Variants in GRIK2 observed in about 807,000 individuals in gnomAD.
GRIK2 encodes the protein glutamate receptor ionotropic, kainate 2.
A neutral mutation model predicts 100.3 loss-of-function variants in GRIK2; 32 were observed. The observed-to-expected ratio is 0.32, with a 90% CI of 0.24 to 0.43. The LOEUF (loss-of-function observed/expected upper bound fraction) is 0.43. Among genes scored for constraint, GRIK2 ranks in the 20% least tolerant of loss-of-function variants. The pLI is 1.00. For missense variants in GRIK2, 843 were observed against 1,114.9 expected, an observed-to-expected ratio of 0.76 and a Z score of 3.47; for synonymous variants, 417 against 389.4, an observed-to-expected ratio of 1.07 and a Z score of -0.83.
chr6:101,927,188 G>T (rs936842641), intron 13 of GRIK2: 3 of 154,530 alleles, frequency 1.9e-5, no homozygotes, highest in Non-Finnish European at 4.3e-5. Context: ...ATGGTAAGAT[G>T]AACTGCAGTA....
At chr6:101,428,389 C>A (rs1769175515) in intron 2 of GRIK2, among the ~76,000 whole-genome samples, 1 of 152,072 alleles carries the variant, frequency 6.6e-6, no homozygotes, top group Admixed American at 6.6e-5. Flanking sequence ...ATGAGAGGAA[C>A]AAAAATGAAT....
At chr6:101,930,466 T>A (rs1416139806) in intron 14 of GRIK2, among the ~76,000 whole-genome samples, 1 of 152,150 alleles carries the variant, frequency 6.6e-6, no homozygotes, top group African/African-American at 2.4e-5. Context: ...AATATCCAAG[T>A]GACTTTTGAA....
intron 10 of GRIK2, 143 bp downstream of exon 10, chr6:101,818,626 G>A (rs1021635621): frequency 2.2e-5 from 13 of 587,224 alleles, no homozygotes. Flanking sequence ...ATGAGTCAAT[G>A]TTAATTTAGT....
intron 11 of GRIK2, among the ~76,000 whole-genome samples, chr6:101,883,853 A>C (rs1786433800): frequency 6.6e-6 from 1 of 152,200 alleles, no homozygotes; most frequent in African/African-American, 2.4e-5. Context: ...AGAATGATGG[A>C]ACTAATGTTG....
intron 7 of GRIK2, among the ~76,000 whole-genome samples, chr6:101,793,613 C>T (rs986701977): frequency 6.6e-6 from 1 of 152,088 alleles, no homozygotes; most frequent in African/African-American, 2.4e-5. Context: ...GTCAGTCTGC[C>T]CCTACTGGGG....
chr6:101,535,028 G>A (rs1262250819), intron 2 of GRIK2, among the ~76,000 whole-genome samples: 1 of 151,460 alleles, frequency 6.6e-6, no homozygotes, highest in Non-Finnish European at 1.5e-5. Context: ...TTAACGTATT[G>A]CTTATGACTA....
chr6:101,611,125 A>G (rs1582822519), intron 2 of GRIK2, among the ~76,000 whole-genome samples: 1 of 151,898 alleles, frequency 6.6e-6, no homozygotes, highest in East Asian at 1.9e-4. Flanking sequence ...TTTTCCATCC[A>G]CTACTGAAAA....
intron 2 of GRIK2, among the ~76,000 whole-genome samples, chr6:101,566,858 T>A (rs1562231057): frequency 6.7e-6 from 1 of 150,320 alleles, no homozygotes; most frequent in Non-Finnish European, 1.5e-5. Context: ...ATAGACATTT[T>A]ATGATAGACA....
intron 2 of GRIK2, among the ~76,000 whole-genome samples, chr6:101,597,678 C>A (rs530902757): frequency 2.9e-4 from 44 of 151,830 alleles, no homozygotes; most frequent in African/African-American, 1.0e-3. Flanking sequence ...TAATGTGAAG[C>A]CTTCAGAGCC....
At chr6:101,964,089 A>G (rs1038793487) in intron 14 of GRIK2, among the ~76,000 whole-genome samples, 1 of 151,600 alleles carries the variant, frequency 6.6e-6, no homozygotes, top group Admixed American at 6.6e-5. Flanking sequence ...AATTTGCTGT[A>G]TATCTTAGAA....
intron 4 of GRIK2, among the ~76,000 whole-genome samples, chr6:101,649,011 C>A (rs866949146): frequency 1.3e-5 from 2 of 152,010 alleles, no homozygotes; most frequent in Non-Finnish European, 2.9e-5. Flanking sequence ...GGGGAAACTG[C>A]CCCATGACTC....
intron 7 of GRIK2, among the ~76,000 whole-genome samples, chr6:101,789,636 A>T (rs549915594): frequency 6.6e-6 from 1 of 151,994 alleles, no homozygotes; most frequent in East Asian, 1.9e-4. Flanking sequence ...AAGTCAGGTA[A>T]TGTGATGCCT....
At position 101,823,470 on chromosome 6, in the gene GRIK2, T is replaced by C. The variant is rs144738387; in HGVS notation, c.1317+4987T>C. Among the ~76,000 whole-genome samples, 81 of 152,306 alleles carry C rather than the reference T, an allele frequency of 5.3e-4. 2 individuals carry two copies. The East Asian group carries it at 0.015, about 28-fold the overall frequency. The stretch of plus-strand genomic sequence containing the variant: ...ATTTATGCCCTAATTTTATTGTTTG[T>C]GATTTTCCATATTGCCTCTTTCATC... On this transcript the variant is annotated intron_variant, in intron 10 of 16. Transcript: ENST00000369134.
intron 7 of GRIK2, among the ~76,000 whole-genome samples, chr6:101,692,988 A>G (rs80227261): frequency 0.011 from 1,685 of 152,212 alleles, 36 homozygotes; most frequent in African/African-American, 0.038. Flanking sequence ...TTTTATGTAC[A>G]TATTAATCTT....
intron 7 of GRIK2, among the ~76,000 whole-genome samples, chr6:101,746,704 A>G (rs1184524312): frequency 6.6e-6 from 1 of 152,132 alleles, no homozygotes; most frequent in Non-Finnish European, 1.5e-5. Context: ...TGTTTGTTCT[A>G]TTAAGATATA....
chr6:101,794,578 G>T (rs1780157553), intron 7 of GRIK2, among the ~76,000 whole-genome samples: 1 of 151,280 alleles, frequency 6.6e-6, no homozygotes, highest in Admixed American at 6.6e-5. Flanking sequence ...GAATTTGTTT[G>T]GTTCTTTTAT....
chr6:101,783,390 T>C (rs926521825), intron 7 of GRIK2, among the ~76,000 whole-genome samples: 1 of 152,120 alleles, frequency 6.6e-6, no homozygotes, highest in Non-Finnish European at 1.5e-5. Context: ...GATTGTAAGT[T>C]TCCTGAGGCC....
intron 12 of GRIK2, among the ~76,000 whole-genome samples, chr6:101,899,569 C>G (rs1397235022): frequency 6.6e-6 from 1 of 152,000 alleles, no homozygotes; most frequent in East Asian, 1.9e-4. Flanking sequence ...AACATAGTTT[C>G]CTGCTATTCT....
intron 4 of GRIK2, among the ~76,000 whole-genome samples, chr6:101,654,862 A>C (rs969680723): frequency 6.6e-6 from 1 of 152,020 alleles, no homozygotes; most frequent in Non-Finnish European, 1.5e-5. Flanking sequence ...CCCACTCTTC[A>C]TCTTGCATGT....
Sources: allele counts gnomAD v4.1 joint callset (sites outside exome capture counted in the v4.1 genomes callset), GRCh38; gene constraint gnomAD v4.1.1; transcripts MANE v1.5; gene names NCBI Gene and HGNC (gene_info 2026-07-23, HGNC 2026-07-21).